The following SAMD3 variants were observed in gnomAD, a reference collection of about 807,000 sequenced individuals.
SAMD3 encodes the protein sterile alpha motif domain containing 3, also known as sterile alpha motif domain-containing protein 3.
SAMD3 carries 63 observed loss-of-function variants against 58.5 expected under a neutral mutation model. The observed-to-expected ratio is 1.08, with a 90% CI of 0.88 to 1.33. The LOEUF (loss-of-function observed/expected upper bound fraction) is 1.33. SAMD3 is among the 40% of genes most tolerant of loss of function. SAMD3 has a pLI of 0.00. For missense variants in SAMD3, 604 were observed against 608.4 expected (o/e 0.99, Z 0.08); for synonymous variants, 220 against 210.3 (o/e 1.05, Z -0.40).
chr6:130,213,532 T>G (rs1795759597), intron 4 of SAMD3, among the ~76,000 whole-genome samples: 4 of 152,184 alleles, frequency 2.6e-5, no homozygotes, highest in South Asian at 4.2e-4. Context: ...AAACATAGAT[T>G]TTATCAATCA....
intron 2 of SAMD3, among the ~76,000 whole-genome samples, chr6:130,297,756 T>C (rs1178844820): frequency 2.6e-5 from 4 of 152,110 alleles, no homozygotes; most frequent in African/African-American, 2.4e-5. Flanking sequence ...TCTTTAACAA[T>C]AGGCTAGGCA....
intron 7 of SAMD3, among the ~76,000 whole-genome samples, chr6:130,178,198 A>G (rs1791917482): frequency 6.6e-6 from 1 of 151,908 alleles, no homozygotes; most frequent in Non-Finnish European, 1.5e-5. Context: ...CTGGACTCAA[A>G]CTCCCAACCT....
chr6:130,279,911 T>A (rs1420805319), intron 2 of SAMD3, among the ~76,000 whole-genome samples: 1 of 152,132 alleles, frequency 6.6e-6, no homozygotes, highest in Admixed American at 6.5e-5. Context: ...TATTACCTAG[T>A]CTTTGAGCTG....
intron 2 of SAMD3, among the ~76,000 whole-genome samples, chr6:130,284,380 A>G (rs1319865148): frequency 6.6e-6 from 1 of 152,192 alleles, no homozygotes; most frequent in Non-Finnish European, 1.5e-5. Context: ...ATCATATAAT[A>G]TCTAAATAAC....
chr6:130,224,715 T>C (rs144688084), upstream of SAMD3, among the ~76,000 whole-genome samples: 6,555 of 151,712 alleles, frequency 0.043, 467 homozygotes, highest in African/African-American at 0.15. Flanking sequence ...ACCTCCTGGG[T>C]TTAAGCGATT....
chr6:130,306,519 C>T (rs1775915334), intron 2 of SAMD3, among the ~76,000 whole-genome samples: 1 of 152,090 alleles, frequency 6.6e-6, no homozygotes, highest in South Asian at 2.1e-4. Flanking sequence ...GTGGCTGCCA[C>T]CATGACAGCT....
At chr6:130,343,069 T>C (rs767374394) in intron 1 of SAMD3, among the ~76,000 whole-genome samples, 1 of 151,974 alleles carries the variant, frequency 6.6e-6, no homozygotes, top group Non-Finnish European at 1.5e-5. Flanking sequence ...CTGATTTCTG[T>C]GTACTTTTAG....
At chr6:130,326,366 C>CTTTTTTTTT (rs1444494681) in intron 1 of SAMD3, among the ~76,000 whole-genome samples, 26 of 113,252 alleles carry the variant, frequency 2.3e-4, no homozygotes, top group Non-Finnish European at 2.8e-4. Context: ...AATGCCTGGT[C>CTTTTTTTTT]ATTTTTTTTT....
chr6:130,325,078 C>T (rs1430332107), intron 1 of SAMD3, among the ~76,000 whole-genome samples: 1 of 152,032 alleles, frequency 6.6e-6, no homozygotes, highest in African/African-American at 2.4e-5. Flanking sequence ...CATTCATAAA[C>T]AAGAGCTCTA....
At chr6:130,171,963 T>A (rs1224129296) in intron 8 of SAMD3, among the ~76,000 whole-genome samples, 1 of 152,236 alleles carries the variant, frequency 6.6e-6, no homozygotes, top group Non-Finnish European at 1.5e-5. Flanking sequence ...CATTATGTAA[T>A]GCCTTTCTTT....
chr6:130,210,936 T>C (rs1021477121), intron 4 of SAMD3, among the ~76,000 whole-genome samples: 1 of 151,886 alleles, frequency 6.6e-6, no homozygotes, highest in African/African-American at 2.4e-5. Context: ...CTGGCTAATA[T>C]GATGAAACCC....
chr6:130,249,588 T>C (rs746047618), intron 2 of SAMD3, among the ~76,000 whole-genome samples: 11 of 152,052 alleles, frequency 7.2e-5, no homozygotes, highest in East Asian at 5.8e-4. Context: ...AAACAAGGAA[T>C]GAAAGTAAGA....
chr6:130,204,248 G>GTGAACAGTTTCAAACAGGGTAGACA (rs1794881713), intron 5 of SAMD3, among the ~76,000 whole-genome samples: 1 of 152,094 alleles, frequency 6.6e-6, no homozygotes, highest in Admixed American at 6.6e-5. Context: ...TAAAAGAGAG[G>GTGAACAGTTTCAAACAGGGTAGACA]TGAACAGTTT....
At position 130,315,120 on chromosome 6, in the gene SAMD3, C is replaced by T. The variant is rs548798576; in HGVS notation, c.-303-2027G>A. Among the ~76,000 whole-genome samples, 179 of 119,906 alleles carry T rather than the reference C, an allele frequency of 1.5e-3. 1 individual carries two copies. Among genetic ancestry groups the T allele is most frequent in the African/African-American group, 7.2e-3 (171 of 23,758 alleles). 78.7% of individuals were successfully genotyped at this position (119,906 alleles called of 152,430 possible). On this transcript the variant is annotated intron_variant, in intron 1 of 13. Transcript: ENST00000368134. ...GTGTTCTTGTCCTTGATTTTCACAG[C>T]AATATTTTTGGCTTATATTGGCATG...
Position 130,356,066 on chromosome 6 carries a change from G to C in SAMD3, c.-304+9054C>G, listed in dbSNP as rs185775955. On this transcript the variant is annotated intron_variant, in intron 1 of 13. Coordinates refer to the SAMD3 transcript ENST00000368134. ...AATCTTGCTAAATTCTCAGGATTGTGAAAATGCGAATCAGATTGTACAACA... is the reference window on the plus strand; with the variant it reads ...AATCTTGCTAAATTCTCAGGATTGTCAAAATGCGAATCAGATTGTACAACA... Among the ~76,000 whole-genome samples, 906 of 152,138 alleles carry C rather than the reference G, an allele frequency of 6.0e-3. 43 individuals carry two copies. The highest frequency in any genetic ancestry group is 0.053 in the Admixed American group (814 of 15,280).
At chr6:130,215,887 T>C in intron 2 of SAMD3, 2 of 1,472,530 alleles carry the variant, frequency 1.4e-6, no homozygotes, top group Non-Finnish European at 1.8e-6. Flanking sequence ...GACCCACATT[T>C]CTCTGGAGAA....
intron 2 of SAMD3, among the ~76,000 whole-genome samples, chr6:130,248,191 T>TGC (rs1773620208): frequency 6.6e-6 from 1 of 150,632 alleles, no homozygotes; most frequent in African/African-American, 2.5e-5. Context: ...TGTGTGTGTG[T>TGC]GTGTGTGTGT....
At chr6:130,365,647 A>G (rs1778116942), upstream of SAMD3, 1 of 985,290 alleles carries the variant, frequency 1.0e-6, no homozygotes, top group South Asian at 4.7e-5. Flanking sequence ...CGCGGTAGCT[A>G]GAGGCGGGCC....
At chr6:130,243,112 C>G (rs749323875) in intron 2 of SAMD3, among the ~76,000 whole-genome samples, 1 of 152,226 alleles carries the variant, frequency 6.6e-6, no homozygotes, top group Non-Finnish European at 1.5e-5. Flanking sequence ...CTTTCTTTCA[C>G]AGCCCACCCA....
Sources: gnomAD v4.1 joint callset for allele counts (sites outside exome capture counted in the v4.1 genomes callset) on GRCh38, gnomAD v4.1.1 for gene constraint, MANE v1.5 for transcripts, NCBI Gene and HGNC (gene_info 2026-07-23, HGNC 2026-07-21) for gene names.